Variants in CPN2 observed in about 807,000 individuals in gnomAD.
The protein encoded by CPN2 is carboxypeptidase N subunit 2.
For missense variants in CPN2, 620 were observed against 671.4 expected (o/e 0.92, Z 0.85); for synonymous variants, 336 against 318.4 (o/e 1.06, Z -0.59).
intron 1 of CPN2, among the ~76,000 whole-genome samples, chr3:194,350,560 G>A (rs566529153): frequency 6.6e-6 from 1 of 152,306 alleles, no homozygotes; most frequent in Admixed American, 6.5e-5. Context: ...AAATAAGATA[G>A]TAAATAGAAA....
rs1052808254 is a variant in CPN2 at position 194,341,449 on chromosome 3, C to G, written c.1254G>C (p.Leu418=). The G allele has an allele frequency of 1.2e-6, 2 of 1,614,178 alleles. No individual in the cohort carries two copies. The highest frequency in any genetic ancestry group is 1.7e-6 in the Non-Finnish European group (2 of 1,180,040). ...GGCCAGCGCAGTAGGTCTGGATGTT[C>G]AGGAGCCGATCGGTGTACTGCTGCA... The part of the protein sequence containing the change: ...NWLQQYTDRL[L]NIQTYCAGPA... Residue 418 remains leucine (L), a synonymous_variant, in exon 2 of 2, where the codon CTG becomes CTC. Coordinates refer to ENST00000323830, the MANE Select transcript of CPN2 (RefSeq NM_001080513.4).
chr3:194,346,406 G>A (rs1417716207), intron 1 of CPN2, among the ~76,000 whole-genome samples: 2 of 152,222 alleles, frequency 1.3e-5, no homozygotes, highest in African/African-American at 4.8e-5. Flanking sequence ...TTCAGGGCAA[G>A]ACCCCTCTTG....
At chr3:194,344,051 T>G (rs1334124137) in intron 1 of CPN2, among the ~76,000 whole-genome samples, 3 of 152,254 alleles carry the variant, frequency 2.0e-5, no homozygotes, top group Non-Finnish European at 4.4e-5. Context: ...AATCGGGTTC[T>G]GCAGTTGCAG....
In CPN2 at chr3:194,341,621, G is replaced by A. The variant is rs1712826771; in HGVS notation, c.1082C>T (p.Ser361Phe). The A allele has an allele frequency of 3.7e-6, 6 of 1,614,192 alleles. No individual in the cohort carries two copies. Among genetic ancestry groups the A allele is most frequent in the Non-Finnish European group, 5.1e-6 (6 of 1,180,036 alleles). ...GGAGAGGCTGAGCAGCTCCAGCTTG[G>A]ACAGGTTCTGGAAGAGGGCTGGGTG... Reference protein sequence around the residue: ...ALHPALFQNLSKLELLSLSKN... With the variant: ...ALHPALFQNLFKLELLSLSKN... The change falls in exon 2 of 2, where the codon TCC becomes TTC. Residue 361 changes from serine (S) to phenylalanine (F), a missense_variant. Ser to Phe is a radical substitution (Grantham distance 155). Coordinates refer to ENST00000323830, the MANE Select transcript of CPN2 (RefSeq NM_001080513.4).
chr3:194,350,981 T>C (rs1444907363), intron 1 of CPN2, among the ~76,000 whole-genome samples: 1 of 152,162 alleles, frequency 6.6e-6, no homozygotes, highest in Non-Finnish European at 1.5e-5. Context: ...ACCCTGCTTA[T>C]CCTCTACTCA....
In CPN2 at chr3:194,342,618, A is replaced by C; in HGVS notation, c.85T>G (p.Phe29Val). 1 of 1,613,930 alleles carries C rather than the reference A, an allele frequency of 6.2e-7. No homozygotes were observed. Among genetic ancestry groups the C allele is most frequent in the South Asian group, 1.1e-5 (1 of 91,062 alleles). Residue 29 changes from phenylalanine (F) to valine (V), a missense_variant, in exon 2 of 2, where the codon TTC becomes GTC. Transcript: ENST00000323830. The stretch of plus-strand genomic sequence containing the variant: ...TCTGAGCAGAACACCTCCTGGACGA[A>C]GCAGTCACAACCCATGGGACAGGGC... ...AQPCPMGCDC[F>V]VQEVFCSDEE... is the part of the protein sequence containing the mutation.
rs1712734876 is a variant in CPN2, at chr3:194,340,005, AC to A, written c.*1059del. On this transcript the variant is annotated 3_prime_UTR_variant, in exon 2 of 2. Transcript: ENST00000323830. ...GCTTCCAGGCTGTAGGTAAATTTAA[AC>A]ATTTTCTGGTTGACAATTGGTTGAG... is the stretch of plus-strand genomic sequence containing the variant. The A allele has an allele frequency of 6.6e-6, 1 of 152,190 alleles. No individual in the cohort carries two copies. Among genetic ancestry groups the A allele is most frequent in the Non-Finnish European group, 1.5e-5 (1 of 68,038 alleles). 9.4% of individuals were successfully genotyped at this position (152,190 alleles called of 1,614,324 possible). A position where few individuals can be genotyped will look rare whatever the true frequency, so the allele number is the denominator to read the frequency against.
In CPN2 at chr3:194,342,259, C is replaced by T. The variant is rs779004468; in HGVS notation, c.444G>A (p.Glu148=). The change falls in exon 2 of 2, where the codon GAG becomes GAA. Residue 148 remains glutamate, a synonymous_variant. Transcript: ENST00000323830. ...EGLFQHLAAL[E]SLHLQGNQLQ... ...GCTGGTTCCCCTGCAGGTGGAGGGA[C>T]TCCAGGGCAGCCAGGTGCTGGAAAA... 5 of 1,613,778 alleles carry T rather than the reference C, an allele frequency of 3.1e-6. No homozygotes were observed. The Admixed American group carries it at 8.3e-5, about 27-fold the overall frequency.
In CPN2 at chr3:194,351,315, G is replaced by A. The variant is rs1218542750; in HGVS notation, c.-77C>T. ...CAGAGAGGAGTCTGGTGTGGCCTGT[G>A]GTCAGCTCAATCCAGCCCCAGCGCT... On this transcript the variant is annotated 5_prime_UTR_variant, in exon 1 of 2. Coordinates refer to ENST00000323830, the MANE Select transcript of CPN2 (RefSeq NM_001080513.4). 6.6e-6 allele frequency: 1 copy of A among 152,320 alleles called. No individual in the cohort carries two copies. Among genetic ancestry groups the A allele is most frequent in the Non-Finnish European group, 1.5e-5 (1 of 68,130 alleles). 9.4% of individuals were successfully genotyped at this position (152,320 alleles called of 1,614,324 possible). A position where few individuals can be genotyped will look rare whatever the true frequency, so the allele number is the denominator to read the frequency against.
At position 194,341,763 on chromosome 3, in the gene CPN2, T is replaced by G. The variant is rs1280743108; in HGVS notation, c.940A>C (p.Asn314His). 1 of 1,613,918 alleles carries G rather than the reference T, an allele frequency of 6.2e-7. No homozygotes were observed. Among genetic ancestry groups the G allele is most frequent in the South Asian group, 1.1e-5 (1 of 91,076 alleles). ...VAEGTFAHLSNLRSLMLSYNA... is the reference protein window; with the variant it reads ...VAEGTFAHLSHLRSLMLSYNA... ...TATGAGAGCATGAGGGAACGCAGGT[T>G]GGACAGGTGGGCAAAGGTGCCCTCA... The change falls in exon 2 of 2, where the codon AAC becomes CAC. Residue 314 changes from asparagine (N) to histidine (H), a missense_variant. Asn to His is a moderately conservative substitution (Grantham distance 68). Transcript: ENST00000323830.
At chr3:194,346,502 A>C (rs956046726) in intron 1 of CPN2, among the ~76,000 whole-genome samples, 25 of 151,768 alleles carry the variant, frequency 1.6e-4, no homozygotes, top group Admixed American at 3.3e-4. Flanking sequence ...CAGACGGTCC[A>C]CTCTCAGCCC....
intron 1 of CPN2, among the ~76,000 whole-genome samples, chr3:194,349,933 T>C (rs961811857): frequency 4.6e-5 from 7 of 151,294 alleles, no homozygotes; most frequent in African/African-American, 1.7e-4. Flanking sequence ...TCCCGAGTAG[T>C]TGGGATTACA....
intron 1 of CPN2, among the ~76,000 whole-genome samples, chr3:194,349,773 C>CTCT (rs1560039924): frequency 8.3e-6 from 1 of 120,410 alleles, no homozygotes; most frequent in Non-Finnish European, 1.6e-5. Flanking sequence ...CCTGACTACC[C>CTCT]TCTTCTTTTT....
rs1173652313 is a variant in CPN2 at position 194,342,385 on chromosome 3, G to A, written c.318C>T (p.Gly106=). 1 of 1,614,192 alleles carries A rather than the reference G, an allele frequency of 6.2e-7. No homozygotes were observed. The highest frequency in any genetic ancestry group is 1.6e-4 in the Middle Eastern group (1 of 6,062). The change falls in exon 2 of 2, where the codon GGC becomes GGT. Residue 106 remains glycine (G), a synonymous_variant. Transcript: ENST00000323830. The part of the protein sequence containing the change: ...LPRLEDLEVT[G]SSFLNLSTNI... ...TGGTGCTGAGGTTCAAGAAGCTACT[G>A]CCTGTGACCTCCAGGTCCTCCAGCC...
intron 1 of CPN2, among the ~76,000 whole-genome samples, chr3:194,347,541 C>T (rs1366906976): frequency 6.6e-6 from 1 of 152,326 alleles, no homozygotes; most frequent in East Asian, 1.9e-4. Context: ...AAGCCTGGTC[C>T]CCTCTCTTCT....
chr3:194,340,878 G>C lies in CPN2; in HGVS notation c.*187C>G. The C allele has an allele frequency of 1.1e-6, 1 of 892,420 alleles. No individual in the cohort carries two copies. The allele number at this position is 892,420 out of a possible 1,614,324, so 55.3% of individuals were successfully genotyped here. ...GGCCGCACACTCCAGGAGAAGCGAT[G>C]AAGGAAGAGGAGGAGGAGACCCTGG... On this transcript the variant is annotated 3_prime_UTR_variant, in exon 2 of 2. Coordinates refer to ENST00000323830, the MANE Select transcript of CPN2 (RefSeq NM_001080513.4).
chr3:194,341,893 CAGAA>C lies in CPN2; in HGVS notation c.806_809del (p.Phe269Ter), dbSNP rs768328339. The C allele has an allele frequency of 6.2e-7, 1 of 1,614,152 alleles. No homozygotes were observed. The highest frequency in any genetic ancestry group is 2.2e-5 in the East Asian group (1 of 44,876). On this transcript the variant is annotated frameshift_variant, in exon 2 of 2. Transcript: ENST00000323830. LOFTEE classifies it low-confidence loss of function (END_TRUNC). ...CCCGAAGCATGTTCCACTGCAAGCTCAGAAAGGTCAGATTACCCAGGGAGGCAAA... is the reference window on the plus strand; with the variant it reads ...CCCGAAGCATGTTCCACTGCAAGCTCAGGTCAGATTACCCAGGGAGGCAAA...
At position 194,341,223 on chromosome 3, in the gene CPN2, A is replaced by G. The variant is rs760363853; in HGVS notation, c.1480T>C (p.Cys494Arg). Reference sequence around the variant, plus strand: ...AGCCAGCGACACTGGGCCTGGTCACAGGCGAGCACCACGGTGCCCTCGGGG... The same window carrying G: ...AGCCAGCGACACTGGGCCTGGTCACGGGCGAGCACCACGGTGCCCTCGGGG... ...SNPEGTVVLA[C>R]DQAQCRWLNV... is the part of the protein sequence containing the mutation. Residue 494 changes from cysteine to arginine, a missense_variant, in exon 2 of 2, where the codon TGT becomes CGT. Coordinates refer to ENST00000323830, the MANE Select transcript of CPN2 (RefSeq NM_001080513.4). The G allele has an allele frequency of 1.9e-6, 3 of 1,613,484 alleles. No homozygotes were observed. The highest frequency in any genetic ancestry group is 2.2e-5 in the East Asian group (1 of 44,894).
intron 1 of CPN2, among the ~76,000 whole-genome samples, chr3:194,347,231 G>A (rs1046386946): frequency 2.6e-5 from 4 of 151,858 alleles, no homozygotes; most frequent in Non-Finnish European, 2.9e-5. Context: ...GGAAGGTTTG[G>A]CTGGGTGCAA....
Sources: gnomAD v4.1 joint callset for allele counts (sites outside exome capture counted in the v4.1 genomes callset) on GRCh38, gnomAD v4.1.1 for gene constraint, MANE v1.5 for transcripts, NCBI Gene and HGNC (gene_info 2026-07-23, HGNC 2026-07-21) for gene names.